VPS37A: variants seen among roughly 807,000 people sequenced by gnomAD.
The protein encoded by VPS37A is VPS37A subunit of ESCRT-I, also known as vacuolar protein sorting-associated protein 37A.
Under a neutral mutation model 49.8 loss-of-function variants are expected in VPS37A, and 30 were observed. The ratio of observed to expected loss-of-function variants is 0.60; its 90% CI spans 0.45 to 0.82. The LOEUF is 0.82. Ranked by LOEUF, VPS37A falls within the 40% of genes least tolerant of loss-of-function variation. VPS37A has a pLI of 0.00. For missense variants in VPS37A, 593 were observed against 464.4 expected, an observed-to-expected ratio of 1.28 and a Z score of -2.55; for synonymous variants, 195 against 160.6, an observed-to-expected ratio of 1.21 and a Z score of -1.62.
At chr8:17,305,775 T>A (rs1817408858), downstream of VPS37A, 14 of 1,612,060 alleles carry the variant, frequency 8.7e-6, no homozygotes, top group African/African-American at 1.3e-5. Flanking sequence ...TCGTCTCTCC[T>A]TTTGGCTGTT....
At chr8:17,322,950 C>CTTTTTTTTTTTTTTTTT in the VPS37A span, among the ~76,000 whole-genome samples, 1 of 125,776 alleles carries the variant, frequency 8.0e-6, no homozygotes, top group African/African-American at 3.1e-5. Context: ...ATTGAATTAT[C>CTTTTTTTTTTTTTTTTT]TTTTTTTTTT....
intron 1 of VPS37A, among the ~76,000 whole-genome samples, chr8:17,249,577 A>G (rs1811781934): frequency 6.6e-6 from 1 of 152,230 alleles, no homozygotes. Flanking sequence ...CCAGTTTTCA[A>G]AGAATGGCAC....
At chr8:17,325,726 G>A in the VPS37A span, among the ~76,000 whole-genome samples, 11 of 152,210 alleles carry the variant, frequency 7.2e-5, no homozygotes, top group African/African-American at 1.9e-4. Flanking sequence ...TTTGATGAAC[G>A]TGCGCTGATT....
At chr8:17,277,377 A>G (rs1477946442) in intron 6 of VPS37A, among the ~76,000 whole-genome samples, 1 of 152,064 alleles carries the variant, frequency 6.6e-6, no homozygotes, top group Non-Finnish European at 1.5e-5. Context: ...TTTTGCTTTA[A>G]ATTTTTTTTA....
chr8:17,280,155 A>G lies in VPS37A; in HGVS notation c.841A>G (p.Arg281Gly), dbSNP rs1814906604. 6.2e-7 allele frequency: 1 copy of G among 1,612,332 alleles called. No individual in the cohort carries two copies. Among genetic ancestry groups the G allele is most frequent in the African/African-American group, 1.3e-5 (1 of 74,974 alleles). Residue 281 changes from arginine to glycine, a missense_variant and splice_region_variant, in exon 7 of 12, where the codon AGA becomes GGA. Transcript: ENST00000324849. ...DLVKSIEELARKNLLLEPSLE... is the reference protein window; with the variant it reads ...DLVKSIEELAGKNLLLEPSLE... ...AGTAAAAAGTATTGAGGAACTAGCA[A>G]GTATGTTTTCCCTCTCCTGAGCGCA...
the VPS37A span, chr8:17,313,250 T>C: frequency 2.8e-6 from 4 of 1,453,162 alleles, no homozygotes; most frequent in South Asian, 2.3e-5. Flanking sequence ...GTCAGTGGTT[T>C]GCTCATCTGT....
At chr8:17,271,354 C>T (rs931901925) in intron 4 of VPS37A, among the ~76,000 whole-genome samples, 7 of 152,140 alleles carry the variant, frequency 4.6e-5, no homozygotes, top group Non-Finnish European at 1.0e-4. Flanking sequence ...GCCTGTAATC[C>T]CAGCACTTTG....
intron 1 of VPS37A, among the ~76,000 whole-genome samples, chr8:17,250,542 C>A (rs1811879908): frequency 1.3e-5 from 2 of 152,128 alleles, no homozygotes; most frequent in South Asian, 4.1e-4. Context: ...AATGTAAGCT[C>A]AATAGGTGAA....
chr8:17,291,193 A>C (rs1330435679), intron 11 of VPS37A, among the ~76,000 whole-genome samples: 1 of 152,110 alleles, frequency 6.6e-6, no homozygotes, highest in Non-Finnish European at 1.5e-5. Flanking sequence ...TTGTATTTTT[A>C]GTAGAGATGG....
At chr8:17,309,355 G>C in the VPS37A span, 3 of 1,481,076 alleles carry the variant, frequency 2.0e-6, no homozygotes, top group Non-Finnish European at 1.9e-6. Flanking sequence ...AAATATCTTG[G>C]AGAGAAGCAA....
intron 11 of VPS37A, among the ~76,000 whole-genome samples, chr8:17,287,790 T>G (rs1815750111): frequency 6.6e-6 from 1 of 152,086 alleles, no homozygotes; most frequent in South Asian, 2.1e-4. Context: ...TTCTAGAACA[T>G]TCCCTGGAAG....
chr8:17,332,581 A>C, the VPS37A span, among the ~76,000 whole-genome samples: 373 of 152,306 alleles, frequency 2.4e-3, 2 homozygotes, highest in Non-Finnish European at 2.8e-3. Flanking sequence ...GCCGTAAGTG[A>C]AAAGTGCATG....
intron 9 of VPS37A, among the ~76,000 whole-genome samples, chr8:17,282,233 A>T (rs1339723312): frequency 1.3e-5 from 2 of 152,146 alleles, no homozygotes; most frequent in African/African-American, 2.4e-5. Context: ...TCAAAAATAG[A>T]CTTGTGTATG....
At chr8:17,288,536 C>T (rs1815838751) in intron 11 of VPS37A, among the ~76,000 whole-genome samples, 1 of 152,126 alleles carries the variant, frequency 6.6e-6, no homozygotes, top group African/African-American at 2.4e-5. Flanking sequence ...TGTGTCCCTG[C>T]AAAGGACATG....
intron 1 of VPS37A, among the ~76,000 whole-genome samples, chr8:17,264,166 C>G (rs889623373): frequency 3.9e-5 from 6 of 152,032 alleles, no homozygotes; most frequent in African/African-American, 1.4e-4. Flanking sequence ...TTAACTTACC[C>G]ATGACAGTAA....
chr8:17,288,896 T>C (rs1031740975), intron 11 of VPS37A, among the ~76,000 whole-genome samples: 13 of 152,208 alleles, frequency 8.5e-5, no homozygotes, highest in African/African-American at 3.1e-4. Flanking sequence ...TTCCTAACTT[T>C]TTAATAATTG....
At chr8:17,289,802 C>T (rs994089194) in intron 11 of VPS37A, among the ~76,000 whole-genome samples, 1 of 152,116 alleles carries the variant, frequency 6.6e-6, no homozygotes, top group African/African-American at 2.4e-5. Flanking sequence ...TCAGTATGGC[C>T]GTTATCACGA....
At chr8:17,311,440 T>G in the VPS37A span, 1 of 1,597,946 alleles carries the variant, frequency 6.3e-7, no homozygotes, top group Non-Finnish European at 8.5e-7. Context: ...CAGTTGCCAG[T>G]AGTTGTAAAA....
intron 11 of VPS37A, chr8:17,286,638 G>A: frequency 2.2e-6 from 1 of 457,646 alleles, no homozygotes; most frequent in Non-Finnish European, 3.8e-6. Flanking sequence ...TGTGATCTTG[G>A]CATGAATGAG....
Sources: gnomAD v4.1 joint callset for allele counts (sites outside exome capture counted in the v4.1 genomes callset) on GRCh38, gnomAD v4.1.1 for gene constraint, MANE v1.5 for transcripts, NCBI Gene and HGNC (gene_info 2026-07-23, HGNC 2026-07-21) for gene names.